Variants in SLC26A2 observed in about 807,000 individuals in gnomAD.
The protein encoded by SLC26A2 is sulfate transporter.
In SLC26A2, 36 loss-of-function variants were observed where a neutral mutation model predicts 41.1. That is an observed-to-expected ratio of 0.88 (90% CI 0.67 to 1.16). The LOEUF (loss-of-function observed/expected upper bound fraction) is 1.16. SLC26A2 is among the 50% of genes most tolerant of loss of function. The pLI is 0.00. For missense variants in SLC26A2, 796 were observed against 869.6 expected, an observed-to-expected ratio of 0.92 and a Z score of 1.07; for synonymous variants, 291 against 311.6, an observed-to-expected ratio of 0.93 and a Z score of 0.70.
At position 149,981,720 on chromosome 5, in the gene SLC26A2, C is replaced by T. The variant is rs1214872363; in HGVS notation, c.2127C>T (p.Phe709=). ...YCKKEEENLL[F]YSVYEAMAFA... ...AAAAGGAAGAAGAAAACCTTCTCTT[C>T]TATAGTGTGTATGAAGCGATGGCTT... is the stretch of plus-strand genomic sequence containing the variant. Residue 709 remains phenylalanine (F), a synonymous_variant, in exon 3 of 3, where the codon TTC becomes TTT. Transcript: ENST00000286298. 6.2e-7 allele frequency: 1 copy of T among 1,612,010 alleles called. No homozygotes were observed. Among genetic ancestry groups the T allele is most frequent in the Non-Finnish European group, 8.5e-7 (1 of 1,179,362 alleles).
rs1456276336 is a variant in SLC26A2 at position 149,980,988 on chromosome 5, G to A, written c.1395G>A (p.Leu465=). 6.2e-7 allele frequency: 1 copy of A among 1,614,134 alleles called. No homozygotes were observed. Among genetic ancestry groups the A allele is most frequent in the East Asian group, 2.2e-5 (1 of 44,886 alleles). ...GTGTGGTAACAGCCCTGGTTCTTTT[G>A]TTGGTCCTCCTAGTAATAGCTCCTT... ...LSGVVTALVL[L]LVLLVIAPLF... Residue 465 remains leucine, a synonymous_variant, in exon 3 of 3, where the codon TTG becomes TTA. Coordinates refer to ENST00000286298, the MANE Select transcript of SLC26A2 (RefSeq NM_000112.4).
In SLC26A2 at chr5:149,980,285, C is replaced by T; in HGVS notation, c.700-8C>T. On this transcript the variant is annotated splice_region_variant and splice_polypyrimidine_tract_variant and intron_variant, in intron 2 of 2. Transcript: ENST00000286298. ...TTATATTTAACACTTCTATATCCTT[C>T]CTTCCAGGTAGCGATGGGCTTCTTT... 6.2e-7 allele frequency: 1 copy of T among 1,610,058 alleles called. No individual in the cohort carries two copies. Among genetic ancestry groups the T allele is most frequent in the Non-Finnish European group, 8.5e-7 (1 of 1,176,306 alleles).
chr5:149,973,994 A>C (rs150786278), intron 1 of SLC26A2, among the ~76,000 whole-genome samples: 1 of 152,130 alleles, frequency 6.6e-6, no homozygotes, highest in Non-Finnish European at 1.5e-5. Flanking sequence ...AAAAAAAATT[A>C]AAAAATGAGC....
At chr5:149,971,437 T>A (rs1274220042) in intron 1 of SLC26A2, among the ~76,000 whole-genome samples, 1 of 152,206 alleles carries the variant, frequency 6.6e-6, no homozygotes, top group Non-Finnish European at 1.5e-5. Context: ...TCTCATTCTG[T>A]CACCCAGGCT....
chr5:149,981,346 G>T lies in SLC26A2; in HGVS notation c.1753G>T (p.Ala585Ser), dbSNP rs916874362. ...AGGCATCAAGATTTTCCGCTTTGTA[G>T]CCCCTCTCTACTACATAAACAAAGA... ...KPGIKIFRFV[A>S]PLYYINKECF... Residue 585 changes from alanine to serine, a missense_variant, in exon 3 of 3, where the codon GCC becomes TCC. Transcript: ENST00000286298. 6.2e-7 allele frequency: 1 copy of T among 1,614,024 alleles called. No individual in the cohort carries two copies. Among genetic ancestry groups the T allele is most frequent in the Admixed American group, 1.7e-5 (1 of 60,010 alleles).
At chr5:149,968,779 C>T (rs925219877) in intron 1 of SLC26A2, among the ~76,000 whole-genome samples, 2 of 147,716 alleles carry the variant, frequency 1.4e-5, no homozygotes, top group Middle Eastern at 3.8e-3. Flanking sequence ...GGTGCAGTGG[C>T]GCGATCTTGG....
At position 149,984,719 on chromosome 5, in the gene SLC26A2, G is replaced by A. The variant is rs945893416; in HGVS notation, c.*2906G>A. The A allele has an allele frequency of 3.3e-5, 5 of 152,172 alleles. No homozygotes were observed. The highest frequency in any genetic ancestry group is 5.9e-5 in the Non-Finnish European group (4 of 68,028). The allele number at this position is 152,172 out of a possible 1,614,324, so 9.4% of individuals were successfully genotyped here. ...CTCTTGACCAAAGGATAGGACTTTAGTTCTTTAAGCATTATTTTAAACACT... is the reference window on the plus strand; with the variant it reads ...CTCTTGACCAAAGGATAGGACTTTAATTCTTTAAGCATTATTTTAAACACT... On this transcript the variant is annotated 3_prime_UTR_variant, in exon 3 of 3. Transcript: ENST00000286298.
chr5:149,962,770 G>A (rs768093740), intron 1 of SLC26A2, among the ~76,000 whole-genome samples: 3 of 152,198 alleles, frequency 2.0e-5, no homozygotes, highest in African/African-American at 4.8e-5. Flanking sequence ...ATGTGGGGGC[G>A]GAAGAGTGGG....
chr5:149,967,640 A>T (rs1754827271), intron 1 of SLC26A2, among the ~76,000 whole-genome samples: 2 of 152,158 alleles, frequency 1.3e-5, no homozygotes, highest in Admixed American at 1.3e-4. Flanking sequence ...ACTACTATTT[A>T]TTTCCAAAAC....
intron 1 of SLC26A2, among the ~76,000 whole-genome samples, chr5:149,963,124 T>TTTATTTATTTA (rs1561809953): frequency 8.9e-5 from 10 of 112,604 alleles, no homozygotes; most frequent in Admixed American, 8.4e-4. Flanking sequence ...TTATTTATTT[T>TTTATTTATTTA]TTGAGATGGA....
rs886060222 is a variant in SLC26A2 at position 149,978,364 on chromosome 5, G to T, written c.699+13G>T. Reference sequence around the variant, plus strand: ...TGGAGTTTATCAGGTAAGCAGCAATGAAACAATTGGTTATTTCTAGAAAAG... The same window carrying T: ...TGGAGTTTATCAGGTAAGCAGCAATTAAACAATTGGTTATTTCTAGAAAAG... On this transcript the variant is annotated intron_variant, in intron 2 of 2. Transcript: ENST00000286298. 3 of 1,589,064 alleles carry T rather than the reference G, an allele frequency of 1.9e-6. No homozygotes were observed. The East Asian group carries it at 6.7e-5, about 36-fold the overall frequency.
chr5:149,980,621 C>G lies in SLC26A2; in HGVS notation c.1028C>G (p.Ala343Gly), dbSNP rs1445018499. Residue 343 changes from alanine (A) to glycine (G), a missense_variant, in exon 3 of 3, where the codon GCC becomes GGC. Coordinates refer to ENST00000286298, the MANE Select transcript of SLC26A2 (RefSeq NM_000112.4). ...ATTGAACTTGTTGTTGTTGTAGCAGCCACATTAGCCTCTCATTTTGGAAAA... is the reference window on the plus strand; with the variant it reads ...ATTGAACTTGTTGTTGTTGTAGCAGGCACATTAGCCTCTCATTTTGGAAAA... The part of the protein sequence containing the change: ...IPIELVVVVA[A>G]TLASHFGKLH... 1 of 1,613,914 alleles carries G rather than the reference C, an allele frequency of 6.2e-7. No individual in the cohort carries two copies. Among genetic ancestry groups the G allele is most frequent in the African/African-American group, 1.3e-5 (1 of 74,908 alleles).
chr5:149,973,839 A>G (rs934471597), intron 1 of SLC26A2, among the ~76,000 whole-genome samples: 1 of 152,044 alleles, frequency 6.6e-6, no homozygotes, highest in South Asian at 2.1e-4. Context: ...AAAGAATTCT[A>G]TGTTAAAAGT....
At chr5:149,970,995 G>C (rs1754890478) in intron 1 of SLC26A2, among the ~76,000 whole-genome samples, 2 of 152,204 alleles carry the variant, frequency 1.3e-5, no homozygotes, top group Non-Finnish European at 2.9e-5. Context: ...ACCTCTAGGA[G>C]CTCACATAGA....
Position 149,980,895 on chromosome 5 carries a change from T to C in SLC26A2, c.1302T>C (p.Phe434=). ...TCATCCCTTCCTTCTTCCACTGTTTTACTACTAGTGCAGCTCTTGCAAAGA... is the reference window on the plus strand; with the variant it reads ...TCATCCCTTCCTTCTTCCACTGTTTCACTACTAGTGCAGCTCTTGCAAAGA... The part of the protein sequence containing the change: ...CNIIPSFFHC[F]TTSAALAKTL... Residue 434 remains phenylalanine, a synonymous_variant, in exon 3 of 3, where the codon TTT becomes TTC. Coordinates refer to ENST00000286298, the MANE Select transcript of SLC26A2 (RefSeq NM_000112.4). The C allele has an allele frequency of 1.2e-6, 2 of 1,614,210 alleles. No homozygotes were observed. Among genetic ancestry groups the C allele is most frequent in the Middle Eastern group, 1.6e-4 (1 of 6,062 alleles).
intron 1 of SLC26A2, among the ~76,000 whole-genome samples, chr5:149,965,965 C>T (rs778528793): frequency 2.0e-5 from 3 of 152,116 alleles, no homozygotes; most frequent in East Asian, 1.9e-4. Flanking sequence ...AGTGCAGTGG[C>T]GCAATCTCAA....
intron 1 of SLC26A2, among the ~76,000 whole-genome samples, chr5:149,963,513 G>A (rs1033492094): frequency 3.0e-4 from 46 of 151,760 alleles, no homozygotes; most frequent in African/African-American, 1.0e-3. Flanking sequence ...TCATGACCTC[G>A]TGATCCGCCT....
chr5:149,963,493 G>T (rs1754749555), intron 1 of SLC26A2, among the ~76,000 whole-genome samples: 2 of 151,876 alleles, frequency 1.3e-5, no homozygotes, highest in African/African-American at 4.8e-5. Context: ...TGGCCAGGAT[G>T]GTCTCAATTT....
At position 149,985,732 on chromosome 5, in the gene SLC26A2, G is replaced by A. The variant is rs1218798354; in HGVS notation, c.*3919G>A. The A allele has an allele frequency of 6.6e-6, 1 of 152,130 alleles. No individual in the cohort carries two copies. Among genetic ancestry groups the A allele is most frequent in the Non-Finnish European group, 1.5e-5 (1 of 68,028 alleles). 9.4% of individuals were successfully genotyped at this position (152,130 alleles called of 1,614,324 possible). A position where few individuals can be genotyped will look rare whatever the true frequency, so the allele number is the denominator to read the frequency against. On this transcript the variant is annotated 3_prime_UTR_variant, in exon 3 of 3. Transcript: ENST00000286298. ...ACGTATTGTTACAGATGAGCCATAC[G>A]TTTCTTTGTATCAATGTAGACATGA...
Sources: allele counts gnomAD v4.1 joint callset (sites outside exome capture counted in the v4.1 genomes callset), GRCh38; gene constraint gnomAD v4.1.1; transcripts MANE v1.5; gene names NCBI Gene and HGNC (gene_info 2026-07-23, HGNC 2026-07-21).